Variants in RNLS observed in about 807,000 individuals in gnomAD.
RNLS encodes the protein renalase, FAD dependent amine oxidase, also known as renalase.
A neutral mutation model predicts 39.8 loss-of-function variants in RNLS; 39 were observed. The observed-to-expected ratio is 0.98, with a 90% CI of 0.76 to 1.28. RNLS has a LOEUF of 1.28. Among genes scored for constraint, RNLS ranks in the 50% most tolerant of loss-of-function variants. RNLS has a pLI of 0.00. For synonymous variants in RNLS, 147 were observed against 150.7 expected, an observed-to-expected ratio of 0.98 and a Z score of 0.18; for missense variants, 410 against 413.3, an observed-to-expected ratio of 0.99 and a Z score of 0.07.
intron 4 of RNLS, among the ~76,000 whole-genome samples, chr10:88,389,042 A>G (rs1852038802): frequency 6.6e-6 from 1 of 152,138 alleles, no homozygotes; most frequent in Admixed American, 6.5e-5. Context: ...AGTAGCTGCC[A>G]TCATCTGGGG....
At chr10:88,517,321 T>C (rs1229013907) in intron 4 of RNLS, among the ~76,000 whole-genome samples, 1 of 151,984 alleles carries the variant, frequency 6.6e-6, no homozygotes, top group East Asian at 1.9e-4. Context: ...ACTTATTTGA[T>C]GCACCATTTA....
chr10:88,422,459 C>T (rs188043109), intron 4 of RNLS, among the ~76,000 whole-genome samples: 1 of 152,232 alleles, frequency 6.6e-6, no homozygotes, highest in African/African-American at 2.4e-5. Context: ...TTGTGATGGC[C>T]TGGATTTATT....
At chr10:88,274,949 A>G (rs751813652) in exon 7 of RNLS, 7 of 1,609,308 alleles carry the variant, frequency 4.3e-6, no homozygotes, top group South Asian at 3.3e-5. Flanking sequence ...GTGTGCTCCA[A>G]TTTCCAGGAA....
intron 4 of RNLS, among the ~76,000 whole-genome samples, chr10:88,527,322 T>C (rs1414226702): frequency 6.6e-6 from 1 of 152,156 alleles, no homozygotes; most frequent in Non-Finnish European, 1.5e-5. Context: ...GGCCTAAAGA[T>C]ATTAACATTT....
chr10:88,459,586 A>G (rs1234692316), intron 4 of RNLS, among the ~76,000 whole-genome samples: 1 of 152,170 alleles, frequency 6.6e-6, no homozygotes, highest in Non-Finnish European at 1.5e-5. Flanking sequence ...GAGCCCCAGG[A>G]CACCGTTAAG....
At chr10:88,305,687 T>C (rs928707276) in intron 6 of RNLS, among the ~76,000 whole-genome samples, 14 of 152,310 alleles carry the variant, frequency 9.2e-5, no homozygotes, top group East Asian at 1.9e-4. Flanking sequence ...ATCAAGTTCT[T>C]AGATACTTTC....
At chr10:88,361,209 A>C (rs1481229038) in intron 5 of RNLS, among the ~76,000 whole-genome samples, 1 of 152,216 alleles carries the variant, frequency 6.6e-6, no homozygotes, top group Non-Finnish European at 1.5e-5. Context: ...TTAGGACCTC[A>C]TTTAATCTTA....
chr10:88,501,822 T>C (rs1057506298), intron 4 of RNLS, among the ~76,000 whole-genome samples: 4 of 152,284 alleles, frequency 2.6e-5, no homozygotes, highest in African/African-American at 9.6e-5. Context: ...TATATATTTC[T>C]CTATATTTCC....
the RNLS span, among the ~76,000 whole-genome samples, chr10:88,248,381 T>C: frequency 6.6e-6 from 1 of 152,130 alleles, no homozygotes; most frequent in Non-Finnish European, 1.5e-5. Context: ...GGAAAGGCAT[T>C]TGTTGTCAAA....
chr10:88,200,627 G>A, the RNLS span, among the ~76,000 whole-genome samples: 1 of 152,190 alleles, frequency 6.6e-6, no homozygotes, highest in Admixed American at 6.5e-5. Context: ...TTTAAAGAGA[G>A]CTTTTCCAGC....
intron 4 of RNLS, among the ~76,000 whole-genome samples, chr10:88,400,225 C>A (rs1417100568): frequency 1.3e-5 from 2 of 151,858 alleles, no homozygotes. Context: ...TTGAGTGGCC[C>A]ATTATTAACC....
intron 6 of RNLS, 38 bp downstream of exon 6, chr10:88,314,428 A>G: frequency 6.2e-7 from 1 of 1,602,830 alleles, no homozygotes; most frequent in East Asian, 2.2e-5. Flanking sequence ...GCCTGTTAAG[A>G]AAATTGTTGT....
chr10:88,302,287 A>G (rs1190317190), intron 6 of RNLS, among the ~76,000 whole-genome samples: 2 of 152,224 alleles, frequency 1.3e-5, no homozygotes, highest in African/African-American at 4.8e-5. Context: ...TGACAGAATA[A>G]CCAAAAGAGC....
downstream of RNLS, among the ~76,000 whole-genome samples, chr10:88,280,491 G>A (rs1253561189): frequency 6.6e-6 from 1 of 152,126 alleles, no homozygotes; most frequent in Non-Finnish European, 1.5e-5. Context: ...GGTTCTCCTT[G>A]GACCCCTGAG....
In RNLS at chr10:88,366,204, A is replaced by T. The variant is rs138067965; in HGVS notation, c.527-3479T>A. ...AGGTTTGAGTGAGGCTATTTTATAT[A>T]GACTGTCAGGGATATGTGTTACCTC... On this transcript the variant is annotated intron_variant, in intron 4 of 6. Transcript: ENST00000331772. Among the ~76,000 whole-genome samples the T allele has an allele frequency of 3.7e-3, 558 of 152,252 alleles. 3 individuals carry two copies. Among genetic ancestry groups the T allele is most frequent in the African/African-American group, 0.013 (533 of 41,572 alleles).
chr10:88,307,129 T>C (rs1163249545), intron 6 of RNLS, among the ~76,000 whole-genome samples: 1 of 152,212 alleles, frequency 6.6e-6, no homozygotes, highest in Non-Finnish European at 1.5e-5. Context: ...TACCCTTTCA[T>C]GTGAAAAACT....
intron 5 of RNLS, among the ~76,000 whole-genome samples, chr10:88,349,219 T>G (rs889362099): frequency 3.3e-5 from 5 of 152,164 alleles, no homozygotes; most frequent in Non-Finnish European, 7.4e-5. Flanking sequence ...TTAAAGTTTA[T>G]TTTTGATTTC....
Position 88,362,727 on chromosome 10 carries a change from T to C in RNLS, c.527-2A>G, listed in dbSNP as rs1331222835. On this transcript the variant is annotated splice_acceptor_variant, in intron 4 of 6. Transcript: ENST00000331772. LOFTEE classifies it high-confidence loss of function. The stretch of plus-strand genomic sequence containing the variant: ...GCTGCCTTTGGCATTCACTAATTAC[T>C]GTGGAAGAAAAAATAAAAGGCATCA... 1.2e-6 allele frequency: 2 copies of C among 1,606,264 alleles called. No individual in the cohort carries two copies. The highest frequency in any genetic ancestry group is 1.7e-6 in the Non-Finnish European group (2 of 1,177,328).
At chr10:88,350,475 T>C (rs1272421259) in intron 5 of RNLS, among the ~76,000 whole-genome samples, 1 of 152,088 alleles carries the variant, frequency 6.6e-6, no homozygotes, top group Non-Finnish European at 1.5e-5. Context: ...AGTGAGAACA[T>C]GCGGTGTTTG....
Sources: allele counts gnomAD v4.1 joint callset (sites outside exome capture counted in the v4.1 genomes callset), GRCh38; gene constraint gnomAD v4.1.1; transcripts MANE v1.5; gene names NCBI Gene and HGNC (gene_info 2026-07-23, HGNC 2026-07-21).